The following KIAA1217 variants were observed in gnomAD, a reference collection of about 807,000 sequenced individuals.
KIAA1217 encodes the protein KIAA1217.
KIAA1217 carries 88 observed loss-of-function variants against 163.9 expected under a neutral mutation model. The observed-to-expected ratio is 0.54, with a 90% CI of 0.45 to 0.64. KIAA1217 has a LOEUF of 0.64. Ranked by LOEUF, KIAA1217 falls within the 30% of genes least tolerant of loss-of-function variation. The pLI is 0.00. For missense variants in KIAA1217, 2,372 were observed against 2,475.0 expected (o/e 0.96, Z 0.88); for synonymous variants, 903 against 923.1 (o/e 0.98, Z 0.39).
intron 1 of KIAA1217, among the ~76,000 whole-genome samples, chr10:23,732,866 T>G (rs1217196629): frequency 6.6e-6 from 1 of 152,200 alleles, no homozygotes; most frequent in Non-Finnish European, 1.5e-5. Flanking sequence ...AACTTTAACA[T>G]TGCTCTTTTT....
intron 2 of KIAA1217, among the ~76,000 whole-genome samples, chr10:24,361,234 T>A (rs2049953556): frequency 6.6e-6 from 1 of 152,132 alleles, no homozygotes; most frequent in East Asian, 1.9e-4. Context: ...CACCCCGGGC[T>A]GGAGTGTAGT....
rs2059751655 is a variant in KIAA1217 at position 24,433,310 on chromosome 10, T to C, written c.752+117T>C. 3 of 438,432 alleles carry C rather than the reference T, an allele frequency of 6.8e-6. No homozygotes were observed. In the Admixed American group the frequency reaches 1.2e-4, roughly 18 times the overall value. The allele number at this position is 438,432 out of a possible 1,614,324, so 27.2% of individuals were successfully genotyped here. ...ACTATATTGCATTTAGAGTGTTTTT[T>C]TGTTTTTTGTTTTTTGTTTTTTGTT... On this transcript the variant is annotated intron_variant, in intron 4 of 20. Coordinates refer to ENST00000376454, the MANE Select transcript of KIAA1217 (RefSeq NM_019590.5).
At chr10:24,069,613 G>T (rs2131624610) in intron 2 of KIAA1217, among the ~76,000 whole-genome samples, 1 of 152,272 alleles carries the variant, frequency 6.6e-6, no homozygotes, top group South Asian at 2.1e-4. Context: ...TTATAGAAGA[G>T]GTTTGCCTCC....
chr10:24,524,783 T>C lies in KIAA1217; in HGVS notation c.2898+19T>C, dbSNP rs762004297. The C allele has an allele frequency of 6.4e-6, 10 of 1,559,292 alleles. No individual in the cohort carries two copies. The highest frequency in any genetic ancestry group is 8.7e-6 in the Non-Finnish European group (10 of 1,147,694). ...TATCGAGGTAGAGTCCTATTTCTGT[T>C]TCTCATAACCCCATAAAGGAGTCTG... On this transcript the variant is annotated intron_variant, in intron 13 of 20. Coordinates refer to ENST00000376454, the MANE Select transcript of KIAA1217 (RefSeq NM_019590.5).
At chr10:23,792,828 C>T (rs12780578) in intron 1 of KIAA1217, among the ~76,000 whole-genome samples, 35,145 of 151,842 alleles carry the variant, frequency 0.23, 4,392 homozygotes, top group African/African-American at 0.32. Flanking sequence ...TAAGATTGAA[C>T]GTGGGTAAAA....
intron 5 of KIAA1217, among the ~76,000 whole-genome samples, chr10:24,439,309 A>AT (rs570590143): frequency 9.9e-5 from 15 of 152,156 alleles, no homozygotes; most frequent in African/African-American, 3.4e-4. Context: ...ACACTGTGCC[A>AT]TTTTTTCTCA....
intron 2 of KIAA1217, among the ~76,000 whole-genome samples, chr10:24,136,162 C>A (rs1354821704): frequency 6.6e-6 from 1 of 152,108 alleles, no homozygotes; most frequent in African/African-American, 2.4e-5. Context: ...CAATATGGAT[C>A]CATTCGGCAT....
intron 5 of KIAA1217, among the ~76,000 whole-genome samples, chr10:24,458,461 C>G (rs1468382438): frequency 6.6e-6 from 1 of 152,164 alleles, no homozygotes; most frequent in East Asian, 1.9e-4. Context: ...TGGACCTGAT[C>G]TGGGACAGAA....
rs114841218 is a variant in KIAA1217 at position 23,997,700 on chromosome 10, G to C, written c.-320-9525G>C. ...ATGTAACAGACCTGGGCCTTTCACT[G>C]TCTGGCAGCATTTTGGTGGCCTTCT... On this transcript the variant is annotated intron_variant, in intron 1 of 18. Coordinates refer to the KIAA1217 transcript ENST00000376462. Among the ~76,000 whole-genome samples the C allele has an allele frequency of 2.2e-3, 338 of 152,300 alleles. 1 individual carries two copies. The highest frequency in any genetic ancestry group is 7.7e-3 in the African/African-American group (322 of 41,562).
intron 1 of KIAA1217, among the ~76,000 whole-genome samples, chr10:23,960,492 G>A (rs1298129097): frequency 6.6e-6 from 1 of 150,664 alleles, no homozygotes; most frequent in Non-Finnish European, 1.5e-5. Flanking sequence ...CCCAATTTCA[G>A]GTGATCCGCC....
intron 3 of KIAA1217, among the ~76,000 whole-genome samples, chr10:24,391,965 A>G (rs947567821): frequency 5.3e-5 from 8 of 152,228 alleles, no homozygotes; most frequent in African/African-American, 1.9e-4. Context: ...TTCAAAGACA[A>G]CACAGAAGAA....
At chr10:23,805,996 C>CAAAAAAAAAAAAAAAAAAAAAAAAAAAAA (rs71397917) in intron 1 of KIAA1217, among the ~76,000 whole-genome samples, 2 of 30,502 alleles carry the variant, frequency 6.6e-5, no homozygotes, top group Non-Finnish European at 5.6e-5. Context: ...AACTCCATCT[C>CAAAAAAAAAAAAAAAAAAAAAAAAAAAAA]AAAAAAAAAA....
chr10:23,978,442 A>G (rs944198106), intron 1 of KIAA1217, among the ~76,000 whole-genome samples: 2 of 152,168 alleles, frequency 1.3e-5, no homozygotes, highest in African/African-American at 4.8e-5. Flanking sequence ...ACTGGCTTGA[A>G]GTTATTCTGA....
At chr10:24,540,115 T>C (rs1287687415) in intron 17 of KIAA1217, among the ~76,000 whole-genome samples, 2 of 152,232 alleles carry the variant, frequency 1.3e-5, no homozygotes, top group African/African-American at 2.4e-5. Context: ...AGCCCAGTGA[T>C]AAAAAGTATA....
chr10:24,006,544 T>G (rs920520529), intron 1 of KIAA1217, among the ~76,000 whole-genome samples: 19 of 152,196 alleles, frequency 1.2e-4, no homozygotes, highest in African/African-American at 3.9e-4. Context: ...AATGTCAAGT[T>G]CATTCTTCTG....
intron 2 of KIAA1217, among the ~76,000 whole-genome samples, chr10:24,071,031 C>G (rs2061167545): frequency 6.6e-6 from 1 of 151,998 alleles, no homozygotes; most frequent in African/African-American, 2.4e-5. Flanking sequence ...CTAAACAAAT[C>G]ACTCTATCTG....
chr10:23,949,340 AT>A (rs1396546419), intron 1 of KIAA1217, among the ~76,000 whole-genome samples: 1 of 152,108 alleles, frequency 6.6e-6, no homozygotes, highest in African/African-American at 2.4e-5. Context: ...AAGCCTGATT[AT>A]TTTTTAGTTG....
At chr10:24,384,338 G>A (rs905774084) in intron 3 of KIAA1217, among the ~76,000 whole-genome samples, 14 of 151,968 alleles carry the variant, frequency 9.2e-5, no homozygotes, top group Non-Finnish European at 1.9e-4. Flanking sequence ...TAACAAGATC[G>A]AGCAGAAAGT....
chr10:24,204,230 T>A (rs919707095), upstream of KIAA1217, among the ~76,000 whole-genome samples: 6 of 152,044 alleles, frequency 3.9e-5, no homozygotes, highest in Non-Finnish European at 5.9e-5. Context: ...TCTGGCAGGA[T>A]CTCCTTGGAG....
Sources: allele counts gnomAD v4.1 joint callset (sites outside exome capture counted in the v4.1 genomes callset), GRCh38; gene constraint gnomAD v4.1.1; transcripts MANE v1.5; gene names NCBI Gene and HGNC (gene_info 2026-07-23, HGNC 2026-07-21).